Variants in METTL22 observed in about 807,000 individuals in gnomAD.
METTL22 encodes the protein methyltransferase 22, Kin17 lysine.
METTL22 carries 51 observed loss-of-function variants against 48.4 expected under a neutral mutation model. That is an observed-to-expected ratio of 1.05 (90% CI 0.84 to 1.33). The LOEUF (loss-of-function observed/expected upper bound fraction) is 1.33. Ranked by LOEUF, METTL22 falls within the 40% of genes most tolerant of loss-of-function variation. The probability of loss-of-function intolerance (pLI) is 0.00; values close to 1 mark genes in which losing one functional copy is unlikely to be tolerated. For synonymous variants in METTL22, 255 were observed against 214.1 expected, an observed-to-expected ratio of 1.19 and a Z score of -1.67; for missense variants, 678 against 526.9, an observed-to-expected ratio of 1.29 and a Z score of -2.81.
the METTL22 span, among the ~76,000 whole-genome samples, chr16:8,657,833 T>TTTTTTTTTTTTTTTTTTTTTTTC: frequency 6.6e-6 from 1 of 150,804 alleles, no homozygotes; most frequent in African/African-American, 2.5e-5. Context: ...TCTTTTTTTT[T>TTTTTTTTTTTTTTTTTTTTTTTC]TGAGACAAGG....
chr16:8,649,047 A>C lies in METTL22; in HGVS notation c.*2904A>C, dbSNP rs1641077. Reference sequence around the variant, plus strand: ...ATCAGAACCCCACTAGACAGAGCCAACAACTGGCAGTACGTCAGCACTAAT... The same window carrying C: ...ATCAGAACCCCACTAGACAGAGCCACCAACTGGCAGTACGTCAGCACTAAT... On this transcript the variant is annotated 3_prime_UTR_variant, in exon 11 of 11. Transcript: ENST00000381920. The C allele has an allele frequency of 0.99, 150,424 of 152,326 alleles. 74,308 individuals are homozygous for C. The highest frequency in any genetic ancestry group is 1 in the Middle Eastern group (294 of 294). 9.4% of individuals were successfully genotyped at this position (152,326 alleles called of 1,614,324 possible).
At chr16:8,628,201 A>T (rs913594065) in intron 2 of METTL22, among the ~76,000 whole-genome samples, 2 of 152,034 alleles carry the variant, frequency 1.3e-5, no homozygotes, top group Non-Finnish European at 2.9e-5. Flanking sequence ...CCCCAACTTC[A>T]CTCCTAAAAT....
chr16:8,641,734 C>T (rs911175533), intron 7 of METTL22: 5 of 393,224 alleles, frequency 1.3e-5, no homozygotes, highest in South Asian at 2.2e-5. Context: ...GTAGGCCCTT[C>T]GGCCCTCCCA....
the METTL22 span, among the ~76,000 whole-genome samples, chr16:8,657,217 C>T: frequency 6.6e-6 from 1 of 152,198 alleles, no homozygotes; most frequent in East Asian, 1.9e-4. Flanking sequence ...TGAAGTCACC[C>T]TCCAAGCTAG....
Position 8,644,663 on chromosome 16 carries a change from G to A in METTL22, c.1117G>A (p.Val373Met), listed in dbSNP as rs755736172. The A allele has an allele frequency of 3.7e-6, 6 of 1,606,632 alleles. No individual in the cohort carries two copies. The highest frequency in any genetic ancestry group is 2.2e-5 in the South Asian group (2 of 89,570). The change falls in exon 10 of 11, where the codon GTG becomes ATG. Residue 373 changes from valine to methionine, a missense_variant. Transcript: ENST00000381920. ...EQLADGKLRFVVEPVEASFPQ... is the reference protein window; with the variant it reads ...EQLADGKLRFMVEPVEASFPQ... Reference sequence around the variant, plus strand: ...GCTCGCAGATGGCAAGCTGCGCTTCGTGGTGGAGCCCGTGGAGGCCTCCTT... The same window carrying A: ...GCTCGCAGATGGCAAGCTGCGCTTCATGGTGGAGCCCGTGGAGGCCTCCTT...
At chr16:8,643,470 G>A (rs1731003) in intron 9 of METTL22, among the ~76,000 whole-genome samples, 150,448 of 152,352 alleles carry the variant, frequency 0.99, 74,317 homozygotes, top group Middle Eastern at 1. Context: ...GACATTTCCA[G>A]CTTCACAGAG....
rs2056514392 is a variant in METTL22 at position 8,639,150 on chromosome 16, G to A, written c.760G>A (p.Ala254Thr). The change falls in exon 6 of 11, where the codon GCT (alanine) becomes ACT (threonine). Residue 254 changes from alanine to threonine, a missense_variant. Transcript: ENST00000381920. ...AAACATTGCCCTCAACAGCCACCTGGCTGCCACTGGAGGTGAGGCCCAGGG... is the reference window on the plus strand; with the variant it reads ...AAACATTGCCCTCAACAGCCACCTGACTGCCACTGGAGGTGAGGCCCAGGG... ...QRNIALNSHL[A>T]ATGGGIVRVK... 3.7e-6 allele frequency: 6 copies of A among 1,614,016 alleles called. No homozygotes were observed. The highest frequency in any genetic ancestry group is 5.1e-6 in the Non-Finnish European group (6 of 1,180,012).
intron 3 of METTL22, 147 bp from the exon 4 acceptor site, chr16:8,634,892 T>C: frequency 1.0e-6 from 1 of 998,910 alleles, no homozygotes; most frequent in Non-Finnish European, 1.5e-6. Flanking sequence ...TAGCACAGCC[T>C]GTGTTTCTGC....
chr16:8,651,562 C>T (rs1220279259), downstream of METTL22, among the ~76,000 whole-genome samples: 2 of 152,068 alleles, frequency 1.3e-5, no homozygotes, highest in African/African-American at 4.8e-5. Context: ...GATTGTCTCA[C>T]ATCATCACCT....
chr16:8,644,775 G>T (rs750802130), intron 10 of METTL22, 50 bp downstream of exon 10: 11 of 1,481,666 alleles, frequency 7.4e-6, no homozygotes, highest in Non-Finnish European at 9.9e-6. Context: ...CTGTGAAGCG[G>T]GTGACTCCAG....
In METTL22 at chr16:8,628,902, C is replaced by G. The variant is rs796926731; in HGVS notation, c.306C>G (p.Ala102=). 2 of 1,613,810 alleles carry G rather than the reference C, an allele frequency of 1.2e-6. No homozygotes were observed. Among genetic ancestry groups the G allele is most frequent in the South Asian group, 2.2e-5 (2 of 91,054 alleles). ...GHGNEGFSLQ[A]GTDTTGQEVA... The stretch of plus-strand genomic sequence containing the variant: ...GTAATGAGGGTTTCTCCCTCCAGGC[C>G]GGGACTGACACCACTGGCCAGGAAG... The change falls in exon 3 of 11, where the codon GCC becomes GCG. Residue 102 remains alanine, a synonymous_variant. Coordinates refer to ENST00000381920, the MANE Select transcript of METTL22 (RefSeq NM_024109.4).
At chr16:8,623,523 C>T (rs1015541228) in intron 1 of METTL22, 2 of 152,192 alleles carry the variant, frequency 1.3e-5, no homozygotes, top group Non-Finnish European at 2.9e-5. Context: ...TGTATTTTCT[C>T]TTCTGGAATC....
At chr16:8,636,769 G>T (rs1212968980) in intron 5 of METTL22, among the ~76,000 whole-genome samples, 1 of 151,928 alleles carries the variant, frequency 6.6e-6, no homozygotes, top group African/African-American at 2.4e-5. Context: ...GAACATCTTT[G>T]TGTATCGTTG....
At chr16:8,622,911 T>C (rs1350856813) in intron 1 of METTL22, among the ~76,000 whole-genome samples, 2 of 152,202 alleles carry the variant, frequency 1.3e-5, no homozygotes, top group Non-Finnish European at 2.9e-5. Flanking sequence ...GATTAAGAAT[T>C]TGAGTTTTTT....
In METTL22 at chr16:8,648,339, G is replaced by A. The variant is rs973838701; in HGVS notation, c.*2196G>A. ...AGACATCTCAAAAATTAAAAAGCCA[G>A]GCGAGGTGCCGGGCATGGTGGCTCA... On this transcript the variant is annotated 3_prime_UTR_variant, in exon 11 of 11. Transcript: ENST00000381920. 6.6e-6 allele frequency: 1 copy of A among 151,584 alleles called. No homozygotes were observed. Among genetic ancestry groups the A allele is most frequent in the Non-Finnish European group, 1.5e-5 (1 of 67,992 alleles). 9.4% of individuals were successfully genotyped at this position (151,584 alleles called of 1,614,324 possible).
Position 8,646,874 on chromosome 16 carries a change from C to G in METTL22, c.*731C>G. On this transcript the variant is annotated 3_prime_UTR_variant, in exon 11 of 11. Coordinates refer to ENST00000381920, the MANE Select transcript of METTL22 (RefSeq NM_024109.4). ...TCTGTCTTATCACGTGTGTACATGT[C>G]TGTCTGTCTGGTTTTTTATCTTCTC... The G allele has an allele frequency of 2.8e-6, 1 of 357,300 alleles. No individual in the cohort carries two copies. Among genetic ancestry groups the G allele is most frequent in the Non-Finnish European group, 5.5e-6 (1 of 181,448 alleles). 22.1% of individuals were successfully genotyped at this position (357,300 alleles called of 1,614,324 possible).
At chr16:8,637,964 C>T (rs866011356) in intron 5 of METTL22, among the ~76,000 whole-genome samples, 4 of 130,974 alleles carry the variant, frequency 3.1e-5, no homozygotes, top group Admixed American at 8.4e-5. Context: ...ACGGTGAAAC[C>T]CCATCTGTAC....
At chr16:8,631,958 C>G (rs1387735816) in intron 3 of METTL22, 1 of 152,368 alleles carries the variant, frequency 6.6e-6, no homozygotes, top group East Asian at 1.9e-4. Context: ...GCGCCCGGCC[C>G]AGGGCTGACA....
intron 5 of METTL22, among the ~76,000 whole-genome samples, chr16:8,636,859 T>G (rs551103093): frequency 6.6e-6 from 1 of 152,334 alleles, no homozygotes; most frequent in Non-Finnish European, 1.5e-5. Context: ...ACTAATTTCT[T>G]TTTTAGTATT....
Sources: gnomAD v4.1 joint callset for allele counts (sites outside exome capture counted in the v4.1 genomes callset) on GRCh38, gnomAD v4.1.1 for gene constraint, MANE v1.5 for transcripts, NCBI Gene and HGNC (gene_info 2026-07-23, HGNC 2026-07-21) for gene names.